ZNF100: variants seen among roughly 807,000 people sequenced by gnomAD.
ZNF100 encodes zinc finger protein 100 (Y1).
ZNF100 carries 12 observed loss-of-function variants against 15.8 expected under a neutral mutation model. That is an observed-to-expected ratio of 0.76 (90% CI 0.49 to 1.23). ZNF100 has a LOEUF of 1.23. ZNF100 is among the 50% of genes most tolerant of loss of function. The pLI is 0.00. For synonymous variants in ZNF100, 226 were observed against 214.8 expected (o/e 1.05, Z -0.45); for missense variants, 670 against 635.6 (o/e 1.05, Z -0.58).
At chr19:21,748,527 G>T (rs1254781653) in intron 2 of ZNF100, among the ~76,000 whole-genome samples, 1 of 151,988 alleles carries the variant, frequency 6.6e-6, no homozygotes, top group Non-Finnish European at 1.5e-5. Flanking sequence ...TATACTAACA[G>T]GCAATTTAAA....
At chr19:21,732,709 C>A (rs1357097253) in intron 4 of ZNF100, among the ~76,000 whole-genome samples, 5 of 151,000 alleles carry the variant, frequency 3.3e-5, no homozygotes, top group Non-Finnish European at 7.4e-5. Context: ...TCAAGTAGAT[C>A]AATATATTCA....
intron 4 of ZNF100, among the ~76,000 whole-genome samples, chr19:21,742,531 A>G (rs952215873): frequency 6.6e-6 from 1 of 152,022 alleles, no homozygotes; most frequent in African/African-American, 2.4e-5. Flanking sequence ...ACAAAAGTTG[A>G]AGAGGTATTT....
intron 2 of ZNF100, among the ~76,000 whole-genome samples, chr19:21,745,597 A>G (rs1212014876): frequency 2.0e-5 from 3 of 150,782 alleles, no homozygotes; most frequent in South Asian, 2.1e-4. Flanking sequence ...ATCTCGGCTC[A>G]CTGCAAGCTC....
rs1016038700 is a variant in ZNF100 at position 21,767,537 on chromosome 19, G to A, written c.-108C>T. ...CTAGGAGCAGAAGACACAGAGAAGT[G>A]AGAGCAAAACCTGGAGCTCCGGCTA... On this transcript the variant is annotated 5_prime_UTR_variant, in exon 1 of 5. Coordinates refer to ENST00000358296, the MANE Select transcript of ZNF100 (RefSeq NM_173531.4). The A allele has an allele frequency of 4.2e-5, 63 of 1,507,184 alleles. No individual in the cohort carries two copies. In the African/African-American group the frequency reaches 7.4e-4, roughly 18 times the overall value. 93.4% of individuals were successfully genotyped at this position (1,507,184 alleles called of 1,614,324 possible). A position where few individuals can be genotyped will look rare whatever the true frequency, so the allele number is the denominator to read the frequency against.
intron 2 of ZNF100, among the ~76,000 whole-genome samples, chr19:21,759,255 A>C (rs999886485): frequency 7.9e-5 from 12 of 152,210 alleles, no homozygotes; most frequent in African/African-American, 2.7e-4. Flanking sequence ...TTTACAGATT[A>C]TAAAAGATAC....
chr19:21,746,671 A>G (rs1051016486), intron 2 of ZNF100: 2 of 152,044 alleles, frequency 1.3e-5, no homozygotes, highest in African/African-American at 2.4e-5. Flanking sequence ...AATATTTTGC[A>G]TAGACCCTTG....
At chr19:21,738,283 A>C (rs1954758170) in intron 4 of ZNF100, among the ~76,000 whole-genome samples, 1 of 102,768 alleles carries the variant, frequency 9.7e-6, no homozygotes, top group Non-Finnish European at 2.0e-5. Flanking sequence ...AAAAAAAAAA[A>C]AAAAAAACTG....
In ZNF100 at chr19:21,727,314, G is replaced by T. The variant is rs1568286971; in HGVS notation, c.998C>A (p.Thr333Asn). 4 of 1,612,968 alleles carry T rather than the reference G, an allele frequency of 2.5e-6. No homozygotes were observed. In the East Asian group the frequency reaches 6.7e-5, roughly 27 times the overall value. ...TCCAGTATGAATTATCCTGTGTGTA[G>T]TAAGGTGTGAGGACCGGTTAAAAGC... ...GKAFNRSSHL[T>N]THRIIHTGEK... The change falls in exon 5 of 5, where the codon ACT becomes AAT. Residue 333 changes from threonine to asparagine, a missense_variant. Physicochemically the swap from Thr to Asn is moderately conservative, Grantham distance 65. Transcript: ENST00000358296.
chr19:21,750,827 C>G (rs553535619), intron 2 of ZNF100: 1 of 447,066 alleles, frequency 2.2e-6, no homozygotes, highest in African/African-American at 2.0e-5. Flanking sequence ...AGCCCCGGCC[C>G]AGAGGAGCAG....
chr19:21,748,878 G>T (rs1331084752), intron 2 of ZNF100, among the ~76,000 whole-genome samples: 1 of 152,104 alleles, frequency 6.6e-6, no homozygotes, highest in African/African-American at 2.4e-5. Context: ...TTAATTTTTT[G>T]TATTTTTAGC....
chr19:21,758,598 A>C (rs1417363027), intron 2 of ZNF100, among the ~76,000 whole-genome samples: 2 of 152,108 alleles, frequency 1.3e-5, no homozygotes, highest in East Asian at 3.9e-4. Context: ...CTGCAGATTC[A>C]TTGTCTGGGG....
intron 4 of ZNF100, among the ~76,000 whole-genome samples, chr19:21,743,597 A>G (rs1208456154): frequency 6.7e-6 from 1 of 150,268 alleles, no homozygotes; most frequent in East Asian, 1.9e-4. Context: ...ACGGAACAGA[A>G]AACACTACTT....
intron 2 of ZNF100, among the ~76,000 whole-genome samples, chr19:21,748,661 C>A (rs1189507772): frequency 1.3e-5 from 2 of 152,230 alleles, no homozygotes; most frequent in South Asian, 4.1e-4. Flanking sequence ...AGGTGATAAC[C>A]TCAGAAGACA....
In ZNF100 at chr19:21,727,625, T is replaced by G. The variant is rs879166628; in HGVS notation, c.687A>C (p.Thr229=). The G allele has an allele frequency of 2.5e-6, 4 of 1,612,038 alleles. No homozygotes were observed. Among genetic ancestry groups the G allele is most frequent in the South Asian group, 2.2e-5 (2 of 90,724 alleles). The change falls in exon 5 of 5, where the codon ACA becomes ACC. Residue 229 remains threonine, a synonymous_variant. Coordinates refer to ENST00000358296, the MANE Select transcript of ZNF100 (RefSeq NM_173531.4). The part of the protein sequence containing the change: ...HLTQHKRFHI[T]ENSYQCKDCG... Reference sequence around the variant, plus strand: ...AATCTTTACATTGGTAGGAATTCTCTGTAATATGAAATCTTTTATGTTGAG... The same window carrying G: ...AATCTTTACATTGGTAGGAATTCTCGGTAATATGAAATCTTTTATGTTGAG...
intron 4 of ZNF100, among the ~76,000 whole-genome samples, chr19:21,740,669 A>G (rs1246322243): frequency 6.6e-6 from 1 of 152,194 alleles, no homozygotes; most frequent in African/African-American, 2.4e-5. Flanking sequence ...AGCCTGACCA[A>G]ATTACAAATT....
rs1016794983 is a variant in ZNF100, at chr19:21,725,196, G to T, written c.*1487C>A. The T allele has an allele frequency of 6.6e-6, 1 of 152,008 alleles. No homozygotes were observed. The highest frequency in any genetic ancestry group is 1.5e-5 in the Non-Finnish European group (1 of 68,006). 9.4% of individuals were successfully genotyped at this position (152,008 alleles called of 1,614,324 possible). A position where few individuals can be genotyped will look rare whatever the true frequency, so the allele number is the denominator to read the frequency against. On this transcript the variant is annotated 3_prime_UTR_variant, in exon 5 of 5. Coordinates refer to ENST00000358296, the MANE Select transcript of ZNF100 (RefSeq NM_173531.4). ...ATAGTATACTGTTACCATGTTTTAC[G>T]TACACCCTTGAGTAAGGTGGAATAG...
At position 21,727,120 on chromosome 19, in the gene ZNF100, C is replaced by T. The variant is rs369863367; in HGVS notation, c.1192G>A (p.Glu398Lys). The T allele has an allele frequency of 6.2e-6, 10 of 1,611,748 alleles. No homozygotes were observed. Among genetic ancestry groups the T allele is most frequent in the Non-Finnish European group, 7.6e-6 (9 of 1,178,332 alleles). Residue 398 changes from glutamate to lysine, a missense_variant, in exon 5 of 5, where the codon GAG becomes AAG. Transcript: ENST00000358296. ...CATTCTTCACATTTGTAGAATTTCT[C>T]TCCAGTATGACTTGTCTTATGTTTA... The part of the protein sequence containing the change: ...LTKHKTSHTG[E>K]KFYKCEECGK...
intron 3 of ZNF100, 92 bp downstream of exon 3, chr19:21,744,849 T>C: frequency 5.8e-6 from 9 of 1,560,384 alleles, no homozygotes; most frequent in Non-Finnish European, 7.8e-6. Context: ...CAGAAACTCA[T>C]TTATGCAAAG....
intron 4 of ZNF100, 44 bp from the exon 5 acceptor site, chr19:21,728,033 A>C (rs745367640): frequency 9.2e-6 from 13 of 1,419,512 alleles, no homozygotes; most frequent in Non-Finnish European, 1.0e-5. Context: ...TACTAGACAC[A>C]GATAGTTTAC....
Sources: allele counts gnomAD v4.1 joint callset (sites outside exome capture counted in the v4.1 genomes callset), GRCh38; gene constraint gnomAD v4.1.1; transcripts MANE v1.5; gene names NCBI Gene and HGNC (gene_info 2026-07-23, HGNC 2026-07-21).